The following CSMD3 variants were observed in gnomAD, a reference collection of about 807,000 sequenced individuals.
CSMD3 encodes the protein CUB and sushi domain-containing protein 3.
Under a neutral mutation model 435.2 loss-of-function variants are expected in CSMD3, and 177 were observed. That is an observed-to-expected ratio of 0.41 (90% confidence interval 0.36 to 0.46). The LOEUF is 0.46. Ranked by LOEUF, CSMD3 falls within the 20% of genes least tolerant of loss-of-function variation. The pLI, the probability that CSMD3 is intolerant of heterozygous loss-of-function variation, is 0.34. For missense variants in CSMD3, 4,265 were observed against 4,504.6 expected (o/e 0.95, Z 1.52); for synonymous variants, 1,656 against 1,520.5 (o/e 1.09, Z -2.07).
chr8:113,047,902 A>T (rs1473988503), intron 5 of CSMD3, among the ~76,000 whole-genome samples: 1 of 152,110 alleles, frequency 6.6e-6, no homozygotes, highest in Non-Finnish European at 1.5e-5. Context: ...ATTGTTTCAG[A>T]ATACTACTGT....
chr8:112,537,958 T>C (rs898681456), intron 27 of CSMD3, among the ~76,000 whole-genome samples: 1 of 151,812 alleles, frequency 6.6e-6, no homozygotes, highest in Admixed American at 6.6e-5. Context: ...TACTAGCAAA[T>C]TGAACACAAT....
At chr8:112,567,968 G>A (rs1201351041) in intron 24 of CSMD3, among the ~76,000 whole-genome samples, 1 of 152,086 alleles carries the variant, frequency 6.6e-6, no homozygotes. Flanking sequence ...TATTTATTTG[G>A]GATGAGTTTC....
At chr8:112,259,101 C>G (rs1017166531) in intron 61 of CSMD3, among the ~76,000 whole-genome samples, 2 of 151,782 alleles carry the variant, frequency 1.3e-5, no homozygotes, top group African/African-American at 4.8e-5. Flanking sequence ...GGGTATATAC[C>G]CAAAGGATTA....
intron 3 of CSMD3, among the ~76,000 whole-genome samples, chr8:113,246,939 C>T (rs2132274573): frequency 6.6e-6 from 1 of 152,300 alleles, no homozygotes; most frequent in East Asian, 1.9e-4. Context: ...ACATGCAATG[C>T]TCCAGCAATG....
intron 11 of CSMD3, among the ~76,000 whole-genome samples, chr8:112,834,855 C>T (rs188166366): frequency 9.8e-4 from 149 of 151,840 alleles, no homozygotes; most frequent in Non-Finnish European, 1.6e-3. Context: ...TTTACTTCTT[C>T]CTAATCATTT....
chr8:113,306,662 G>A lies in CSMD3; in HGVS notation c.401+7909C>T, dbSNP rs543845307. Among the ~76,000 whole-genome samples the A allele has an allele frequency of 1.3e-4, 20 of 152,258 alleles. No homozygotes were observed. The South Asian group carries it at 1.7e-3, about 13-fold the overall frequency. On this transcript the variant is annotated intron_variant, in intron 2 of 70. Coordinates refer to ENST00000297405, the MANE Select transcript of CSMD3 (RefSeq NM_198123.2). ...TTCTATGGGACATTGAGGGAGCAAA[G>A]GAGAGAAGAAATACTAACCATGTAA...
At chr8:112,257,407 T>G (rs1316579347) in intron 61 of CSMD3, among the ~76,000 whole-genome samples, 1 of 152,174 alleles carries the variant, frequency 6.6e-6, no homozygotes, top group Non-Finnish European at 1.5e-5. Context: ...AAAATCTCCT[T>G]AAGCTGATAA....
rs192286277 is a variant in CSMD3, at chr8:112,746,077, T to C, written c.1972+54085A>G. Among the ~76,000 whole-genome samples, 5 of 152,322 alleles carry C rather than the reference T, an allele frequency of 3.3e-5. No individual in the cohort carries two copies. In the East Asian group the frequency reaches 7.7e-4, roughly 24 times the overall value. On this transcript the variant is annotated intron_variant, in intron 13 of 70. Coordinates refer to ENST00000297405, the MANE Select transcript of CSMD3 (RefSeq NM_198123.2). ...CTCATAAAGCTTAAAACTGTATTTA[T>C]CAGATTCCCTTGCAACTATAGTTTT...
At chr8:112,806,928 A>T (rs1454848751) in intron 12 of CSMD3, among the ~76,000 whole-genome samples, 1 of 152,188 alleles carries the variant, frequency 6.6e-6, no homozygotes, top group East Asian at 1.9e-4. Flanking sequence ...ATTCGAAATC[A>T]AACCAAGTTT....
At chr8:112,418,873 A>G (rs1338137883) in intron 32 of CSMD3, among the ~76,000 whole-genome samples, 1 of 152,210 alleles carries the variant, frequency 6.6e-6, no homozygotes, top group Non-Finnish European at 1.5e-5. Flanking sequence ...ACCCAATGTC[A>G]TGTGACGGTC....
At chr8:112,666,247 C>A (rs749858386) in intron 17 of CSMD3, 30 bp downstream of exon 17, 2 of 1,532,186 alleles carry the variant, frequency 1.3e-6, no homozygotes, top group Admixed American at 3.4e-5. Flanking sequence ...ATAATATTTT[C>A]TTTAAAAGTA....
At chr8:112,881,011 T>C (rs965908544) in intron 10 of CSMD3, among the ~76,000 whole-genome samples, 4 of 152,204 alleles carry the variant, frequency 2.6e-5, no homozygotes, top group African/African-American at 9.6e-5. Context: ...ATCCATTTAG[T>C]TTAAATGCAG....
At position 112,223,677 on chromosome 8, in the gene CSMD3, A is replaced by C. The variant is rs537184994; in HGVS notation, c.*1094T>G. The C allele has an allele frequency of 6.6e-5, 10 of 152,304 alleles. No homozygotes were observed. The East Asian group carries it at 1.7e-3, about 26-fold the overall frequency. The allele number at this position is 152,304 out of a possible 1,614,324, so 9.4% of individuals were successfully genotyped here. ...AATAAATTTATATTGGTGATTTATA[A>C]TAATAATTTTTTTCAGTCATTATGT... On this transcript the variant is annotated 3_prime_UTR_variant, in exon 71 of 71. Transcript: ENST00000297405.
At chr8:112,473,273 A>T (rs1437033905) in intron 31 of CSMD3, among the ~76,000 whole-genome samples, 16 of 152,176 alleles carry the variant, frequency 1.1e-4, no homozygotes. Context: ...GTATGTTAAA[A>T]AAAAGATGAG....
intron 11 of CSMD3, among the ~76,000 whole-genome samples, chr8:112,840,730 G>A (rs1027044785): frequency 6.6e-6 from 1 of 151,614 alleles, no homozygotes; most frequent in African/African-American, 2.4e-5. Flanking sequence ...AAAAAAGAGT[G>A]AGGAAAGGTA....
At chr8:113,004,360 A>C (rs767486355) in intron 6 of CSMD3, among the ~76,000 whole-genome samples, 1 of 152,048 alleles carries the variant, frequency 6.6e-6, no homozygotes, top group Non-Finnish European at 1.5e-5. Context: ...TAAATTATAC[A>C]GGAAGAATTC....
intron 12 of CSMD3, among the ~76,000 whole-genome samples, chr8:112,816,295 T>A (rs2079373559): frequency 6.6e-6 from 1 of 152,004 alleles, no homozygotes; most frequent in Non-Finnish European, 1.5e-5. Context: ...TGAGTGTGTA[T>A]GTTTGTAAGT....
chr8:112,509,175 G>A (rs924045135), intron 28 of CSMD3, among the ~76,000 whole-genome samples: 3 of 148,726 alleles, frequency 2.0e-5, no homozygotes, highest in African/African-American at 7.5e-5. Context: ...CTGCAGCCTT[G>A]ACCTCCCAGG....
In CSMD3 at chr8:112,304,269, A is replaced by C. The variant is rs186303792; in HGVS notation, c.8266+452T>G. Among the ~76,000 whole-genome samples the C allele has an allele frequency of 6.0e-4, 92 of 152,236 alleles. No individual in the cohort carries two copies. The East Asian group carries it at 0.015, about 25-fold the overall frequency. On this transcript the variant is annotated intron_variant, in intron 52 of 70. Coordinates refer to ENST00000297405, the MANE Select transcript of CSMD3 (RefSeq NM_198123.2). ...GAATCAGAGAGAATAAACATGATAT[A>C]ACATGATAAAAAGTCAAGGGTTTTA...
Sources: allele counts gnomAD v4.1 joint callset (sites outside exome capture counted in the v4.1 genomes callset), GRCh38; gene constraint gnomAD v4.1.1; transcripts MANE v1.5; gene names NCBI Gene and HGNC (gene_info 2026-07-23, HGNC 2026-07-21).